Variants in PCNX2 observed in about 807,000 individuals in gnomAD.
The protein encoded by PCNX2 is pecanex 2, also known as pecanex-like protein 2.
PCNX2 carries 168 observed loss-of-function variants against 223.8 expected under a neutral mutation model. The ratio of observed to expected loss-of-function variants is 0.75; its 90% confidence interval spans 0.66 to 0.85. The LOEUF (loss-of-function observed/expected upper bound fraction) is 0.85. Among genes scored for constraint, PCNX2 ranks in the 40% least tolerant of loss-of-function variants. PCNX2 has a pLI of 0.00. For missense variants in PCNX2, 2,507 were observed against 2,675.5 expected, an observed-to-expected ratio of 0.94 and a Z score of 1.39; for synonymous variants, 1,006 against 1,052.6, an observed-to-expected ratio of 0.96 and a Z score of 0.86.
At chr1:233,112,810 GATGTCCCAA>G in intron 21 of PCNX2, 1 of 1,247,622 alleles carries the variant, frequency 8.0e-7, no homozygotes, top group Non-Finnish European at 1.0e-6. Context: ...TGCTAGGCTT[GATGTCCCAA>G]ATGGGGAGAA....
chr1:233,324,154 G>T, the PCNX2 span, among the ~76,000 whole-genome samples: 3 of 152,224 alleles, frequency 2.0e-5, no homozygotes, highest in East Asian at 3.8e-4. Flanking sequence ...GCTGAGAGAG[G>T]TGAGAAAGTT....
intron 9 of PCNX2, 149 bp from the exon 10 acceptor site, chr1:233,227,520 T>G: frequency 1.4e-6 from 1 of 712,402 alleles, no homozygotes; most frequent in Non-Finnish European, 2.0e-6. Flanking sequence ...AATTCTGATA[T>G]GTAAACCAAC....
At chr1:233,086,767 G>A (rs1673626737) in intron 23 of PCNX2, among the ~76,000 whole-genome samples, 1 of 152,190 alleles carries the variant, frequency 6.6e-6, no homozygotes, top group African/African-American at 2.4e-5. Flanking sequence ...CTATGTGGCT[G>A]GTACCTGCCA....
In PCNX2 at chr1:233,000,637, T is replaced by A. The variant is rs919962559; in HGVS notation, c.5098-102A>T. On this transcript the variant is annotated intron_variant, in intron 29 of 33. Coordinates refer to ENST00000258229, the MANE Select transcript of PCNX2 (RefSeq NM_014801.4). The surrounding 1 kb of genome is among the most constrained non-coding windows in gnomAD (Gnocchi z 4.6). ...TGGCCAGTGACCTCCAAAGCTAAGC[T>A]CTTTCCTCATCTTCCTCTCTCCTGT... The A allele has an allele frequency of 2.4e-6, 2 of 846,040 alleles. No individual in the cohort carries two copies. The highest frequency in any genetic ancestry group is 1.8e-6 in the Non-Finnish European group (1 of 541,550). 52.4% of individuals were successfully genotyped at this position (846,040 alleles called of 1,614,324 possible).
intron 13 of PCNX2, among the ~76,000 whole-genome samples, chr1:233,207,950 G>A (rs184106510): frequency 7.2e-5 from 11 of 151,994 alleles, no homozygotes; most frequent in Admixed American, 2.6e-4. Flanking sequence ...TTCTTCAGAT[G>A]AGCATTTATT....
chr1:233,201,088 T>C (rs542280083), intron 13 of PCNX2, among the ~76,000 whole-genome samples: 1 of 121,078 alleles, frequency 8.3e-6, no homozygotes, highest in East Asian at 2.4e-4. Flanking sequence ...GTTCTGCACA[T>C]GGATCCCAGA....
In PCNX2 at chr1:233,230,302, G is replaced by A. The variant is rs181912066; in HGVS notation, c.2359-2931C>T. On this transcript the variant is annotated intron_variant, in intron 9 of 33. Transcript: ENST00000258229. Reference sequence around the variant, plus strand: ...AGGGGTCTTGGGCATTCCCTGGAGTGCATCAACAATTAAGGGGCTTGCGTA... The same window carrying A: ...AGGGGTCTTGGGCATTCCCTGGAGTACATCAACAATTAAGGGGCTTGCGTA... 2.0e-5 allele frequency among the ~76,000 whole-genome samples: 3 copies of A among 152,262 alleles called. No individual in the cohort carries two copies. The East Asian group carries it at 5.8e-4, about 29-fold the overall frequency.
chr1:233,235,955 A>ATATATATAT (rs1553319628), intron 9 of PCNX2, among the ~76,000 whole-genome samples: 54 of 41,494 alleles, frequency 1.3e-3, no homozygotes, highest in African/African-American at 3.6e-3. Flanking sequence ...ATCATAAAAA[A>ATATATATAT]AAATATATAT....
At chr1:233,320,239 G>A in the PCNX2 span, among the ~76,000 whole-genome samples, 1 of 151,974 alleles carries the variant, frequency 6.6e-6, no homozygotes, top group Non-Finnish European at 1.5e-5. Context: ...TAATTATTAT[G>A]CAATAATTAT....
chr1:233,140,839 G>A (rs1406147135), intron 19 of PCNX2, among the ~76,000 whole-genome samples: 4 of 152,134 alleles, frequency 2.6e-5, no homozygotes, highest in Non-Finnish European at 4.4e-5. Context: ...CAGGGCCCTC[G>A]GCTAGGCCCC....
intron 21 of PCNX2, among the ~76,000 whole-genome samples, chr1:233,128,488 C>T (rs1290002048): frequency 6.6e-6 from 1 of 152,086 alleles, no homozygotes; most frequent in Non-Finnish European, 1.5e-5. Flanking sequence ...GCATGTGGCA[C>T]CACGCCCAAC....
chr1:233,255,629 G>A (rs979244137), intron 5 of PCNX2, among the ~76,000 whole-genome samples: 10 of 152,180 alleles, frequency 6.6e-5, no homozygotes, highest in Non-Finnish European at 1.5e-4. Flanking sequence ...GGATATTTCT[G>A]AGACCTGAGA....
intron 13 of PCNX2, 139 bp downstream of exon 13, chr1:233,208,379 C>T (rs1056345762): frequency 1.1e-4 from 98 of 911,958 alleles, no homozygotes; most frequent in Non-Finnish European, 1.4e-4. Context: ...AGACAGTCTT[C>T]GGTAGATATG....
At chr1:233,266,617 G>C (rs757793739) in intron 1 of PCNX2, among the ~76,000 whole-genome samples, 1 of 152,138 alleles carries the variant, frequency 6.6e-6, no homozygotes, top group Non-Finnish European at 1.5e-5. Context: ...GAAGGGATTC[G>C]CCATAGATGA....
chr1:233,288,844 T>A (rs940691424), intron 1 of PCNX2: 19 of 1,063,236 alleles, frequency 1.8e-5, no homozygotes, highest in Middle Eastern at 3.0e-4. Flanking sequence ...ATATATATTT[T>A]TTATTTAGTC....
At chr1:233,015,650 G>A (rs908594712) in intron 27 of PCNX2, among the ~76,000 whole-genome samples, 3 of 152,106 alleles carry the variant, frequency 2.0e-5, no homozygotes, top group Non-Finnish European at 4.4e-5. Flanking sequence ...CCGAGATTGC[G>A]TCACTGCACT....
intron 23 of PCNX2, among the ~76,000 whole-genome samples, chr1:233,075,290 A>G (rs1369637838): frequency 6.6e-6 from 1 of 152,228 alleles, no homozygotes; most frequent in African/African-American, 2.4e-5. Context: ...ATGAATCTCC[A>G]CTGAATTATG....
chr1:233,098,372 TG>T (rs753231813), intron 21 of PCNX2, among the ~76,000 whole-genome samples: 15 of 152,348 alleles, frequency 9.8e-5, no homozygotes, highest in Non-Finnish European at 1.0e-4. Flanking sequence ...AATTATTTTC[TG>T]CTTAGCACAG....
At chr1:233,274,414 G>A (rs370677341) in intron 1 of PCNX2, among the ~76,000 whole-genome samples, 3 of 152,254 alleles carry the variant, frequency 2.0e-5, no homozygotes, top group South Asian at 2.1e-4. Context: ...AGTCCCAGAG[G>A]GGGTGCAAAA....
Sources: gnomAD v4.1 joint callset for allele counts (sites outside exome capture counted in the v4.1 genomes callset) on GRCh38, gnomAD v4.1.1 for gene constraint, Gnocchi (gnomAD v3.1) non-coding constraint, MANE v1.5 for transcripts, NCBI Gene and HGNC (gene_info 2026-07-23, HGNC 2026-07-21) for gene names.